Variants in ITGAV observed in about 807,000 individuals in gnomAD.
ITGAV encodes integrin subunit alpha V.
A neutral mutation model predicts 143.8 loss-of-function variants in ITGAV; 76 were observed. The observed-to-expected ratio is 0.53, with a 90% CI of 0.44 to 0.64. The LOEUF is 0.64. Ranked by LOEUF, ITGAV falls within the 30% of genes least tolerant of loss-of-function variation. The pLI is 0.00. For missense variants in ITGAV, 1,193 were observed against 1,274.7 expected, an observed-to-expected ratio of 0.94 and a Z score of 0.98; for synonymous variants, 453 against 446.7, an observed-to-expected ratio of 1.01 and a Z score of -0.18.
intron 24 of ITGAV, among the ~76,000 whole-genome samples, chr2:186,668,196 A>G (rs1326150101): frequency 1.4e-4 from 2 of 14,362 alleles, no homozygotes; most frequent in South Asian, 2.1e-3. Context: ...ATATATATAT[A>G]TATATATATA....
At chr2:186,672,951 T>C (rs569926075) in intron 26 of ITGAV, among the ~76,000 whole-genome samples, 3 of 152,372 alleles carry the variant, frequency 2.0e-5, no homozygotes, top group African/African-American at 7.2e-5. Context: ...CTTCTTTTGT[T>C]GCTTGTAATT....
intron 4 of ITGAV, among the ~76,000 whole-genome samples, chr2:186,628,525 A>C (rs1350805676): frequency 6.6e-6 from 1 of 152,136 alleles, no homozygotes; most frequent in Non-Finnish European, 1.5e-5. Context: ...ACAAAAAAGC[A>C]AAATTACTTG....
At chr2:186,673,153 G>A (rs1689112835) in intron 26 of ITGAV, among the ~76,000 whole-genome samples, 1 of 152,184 alleles carries the variant, frequency 6.6e-6, no homozygotes, top group African/African-American at 2.4e-5. Context: ...CCACCTGTCT[G>A]AGCAACATTT....
At chr2:186,646,485 T>G (rs1247474460) in intron 12 of ITGAV, among the ~76,000 whole-genome samples, 1 of 152,198 alleles carries the variant, frequency 6.6e-6, no homozygotes, top group Non-Finnish European at 1.5e-5. Context: ...AGTACCCTAC[T>G]GAACTTTGAA....
At chr2:186,616,020 G>GTATC (rs1299551678) in intron 2 of ITGAV, among the ~76,000 whole-genome samples, 1 of 151,816 alleles carries the variant, frequency 6.6e-6, no homozygotes, top group Non-Finnish European at 1.5e-5. Context: ...TTGCATATGG[G>GTATC]TATCTAGTTG....
intron 1 of ITGAV, among the ~76,000 whole-genome samples, chr2:186,595,306 A>C (rs1392079094): frequency 6.6e-6 from 1 of 152,210 alleles, no homozygotes; most frequent in African/African-American, 2.4e-5. Context: ...GGGTTTGAAA[A>C]ATGGACTTGT....
chr2:186,590,693 G>A (rs567440212), intron 1 of ITGAV, among the ~76,000 whole-genome samples, 170 bp downstream of exon 1: 134 of 152,278 alleles, frequency 8.8e-4, no homozygotes, highest in African/African-American at 3.1e-3. Flanking sequence ...TTGGGGAAAT[G>A]AACTCCCTTT....
chr2:186,661,622 G>A (rs1465351539), intron 18 of ITGAV, among the ~76,000 whole-genome samples: 1 of 144,974 alleles, frequency 6.9e-6, no homozygotes, highest in Non-Finnish European at 1.5e-5. Context: ...TTTTGAGACG[G>A]AATCTTGCTC....
In ITGAV at chr2:186,641,525, G is replaced by A. The variant is rs1170369810; in HGVS notation, c.1096G>A (p.Val366Ile). Residue 366 changes from valine (V) to isoleucine (I), a missense_variant, in exon 12 of 30, where the codon GTC (valine) becomes ATC (isoleucine). Physicochemically the swap from Val to Ile is conservative, Grantham distance 29. Coordinates refer to ENST00000261023, the MANE Select transcript of ITGAV (RefSeq NM_002210.5). ...FQTTKLNGFE[V>I]FARFGSAIAP... The stretch of plus-strand genomic sequence containing the variant: ...GACGACAAAGCTGAATGGATTTGAG[G>A]TCTTTGCACGGTTTGGCAGTGCCAT... 2.5e-6 allele frequency: 4 copies of A among 1,614,072 alleles called. No individual in the cohort carries two copies. Among genetic ancestry groups the A allele is most frequent in the Non-Finnish European group, 3.4e-6 (4 of 1,180,036 alleles).
intron 1 of ITGAV, among the ~76,000 whole-genome samples, chr2:186,597,510 T>G (rs1478751808): frequency 6.6e-6 from 1 of 152,224 alleles, no homozygotes; most frequent in African/African-American, 2.4e-5. Context: ...TGAGTTCTTA[T>G]AATGTGGCAG....
At chr2:186,641,824 A>G in intron 12 of ITGAV, 1 of 510,170 alleles carries the variant, frequency 2.0e-6, no homozygotes, top group South Asian at 2.6e-5. Flanking sequence ...CTCAAATTAG[A>G]AGGTCAGAAT....
chr2:186,670,229 T>C (rs914728609), intron 26 of ITGAV, among the ~76,000 whole-genome samples: 15 of 152,166 alleles, frequency 9.9e-5, no homozygotes, highest in Non-Finnish European at 2.2e-4. Context: ...AAGGCAATTG[T>C]TTTTCTTTTT....
At chr2:186,617,523 A>G (rs1186936709) in intron 2 of ITGAV, among the ~76,000 whole-genome samples, 1 of 152,164 alleles carries the variant, frequency 6.6e-6, no homozygotes, top group African/African-American at 2.4e-5. Context: ...ATAAACATGA[A>G]ATTTTCAAGT....
chr2:186,601,083 C>T lies in ITGAV; in HGVS notation c.186-938C>T, dbSNP rs560331929. ...TCTTTTATGAATGAATAGAAAACAA[C>T]AAAAGAAAACATCTCTTTAAAATTA... On this transcript the variant is annotated intron_variant, in intron 1 of 29. Coordinates refer to ENST00000261023, the MANE Select transcript of ITGAV (RefSeq NM_002210.5). Among the ~76,000 whole-genome samples, 99 of 151,682 alleles carry T rather than the reference C, an allele frequency of 6.5e-4. 1 individual carries two copies. The highest frequency in any genetic ancestry group is 1.1e-3 in the Non-Finnish European group (73 of 67,946).
intron 2 of ITGAV, among the ~76,000 whole-genome samples, chr2:186,608,293 C>T (rs1438081349): frequency 2.6e-5 from 4 of 152,014 alleles, no homozygotes; most frequent in African/African-American, 7.3e-5. Flanking sequence ...CTTAGGAAGC[C>T]GCAGATGATG....
rs750013127 is a variant in ITGAV, at chr2:186,677,639, T to TTTGTTG, written c.*374_*379dup. ...TTCTGATTTAATGTACGGAACTTTA[T>TTTGTTG]TTGTTGTTGTTGTTGTTGTTGTTGT... On this transcript the variant is annotated 3_prime_UTR_variant, in exon 30 of 30. Coordinates refer to ENST00000261023, the MANE Select transcript of ITGAV (RefSeq NM_002210.5). The TTTGTTG allele has an allele frequency of 0.013, 2,454 of 189,220 alleles. 48 individuals are homozygous for TTTGTTG. The highest frequency in any genetic ancestry group is 0.052 in the African/African-American group (2,169 of 41,908). The allele number at this position is 189,220 out of a possible 1,614,324, so 11.7% of individuals were successfully genotyped here.
At chr2:186,646,931 T>A in intron 13 of ITGAV, 54 bp downstream of exon 13, 1 of 1,112,700 alleles carries the variant, frequency 9.0e-7, no homozygotes, top group Non-Finnish European at 1.3e-6. Flanking sequence ...TAATAGCAAA[T>A]AGTATTAGTT....
At chr2:186,619,363 A>G (rs1273034442) in intron 2 of ITGAV, among the ~76,000 whole-genome samples, 1 of 152,132 alleles carries the variant, frequency 6.6e-6, no homozygotes, top group Admixed American at 6.5e-5. Flanking sequence ...AGTTGATGTC[A>G]TAGAAGTAAA....
In ITGAV at chr2:186,667,793, T is replaced by G. The variant is rs775102719; in HGVS notation, c.2433+17T>G. The G allele has an allele frequency of 6.5e-7, 1 of 1,534,432 alleles. No individual in the cohort carries two copies. The highest frequency in any genetic ancestry group is 1.2e-5 in the South Asian group (1 of 82,304). On this transcript the variant is annotated intron_variant, in intron 24 of 29. Coordinates refer to ENST00000261023, the MANE Select transcript of ITGAV (RefSeq NM_002210.5). ...ATCTATGAGGTTTGCAGTTGTTAGA[T>G]TTTACTCAAACCTCGTGAGCAAGCC...
Sources: allele counts gnomAD v4.1 joint callset (sites outside exome capture counted in the v4.1 genomes callset), GRCh38; gene constraint gnomAD v4.1.1; transcripts MANE v1.5; gene names NCBI Gene and HGNC (gene_info 2026-07-23, HGNC 2026-07-21).